The following QRFPR variants were observed in gnomAD, a reference collection of about 807,000 sequenced individuals.
The protein encoded by QRFPR is pyroglutamylated RFamide peptide receptor, also known as pyroglutamylated RF-amide peptide receptor.
QRFPR carries 37 observed loss-of-function variants against 31.3 expected under a neutral mutation model. The observed-to-expected ratio is 1.18, with a 90% CI of 0.91 to 1.56. QRFPR has a LOEUF of 1.56. QRFPR is among the 40% of genes most tolerant of loss of function. The probability of loss-of-function intolerance (pLI) is 0.00; values close to 1 mark genes in which losing one functional copy is unlikely to be tolerated. For missense variants in QRFPR, 542 were observed against 532.5 expected (o/e 1.02, Z -0.18); for synonymous variants, 197 against 192.0 (o/e 1.03, Z -0.22).
In QRFPR at chr4:121,329,165, C is replaced by T; in HGVS notation, c.*149G>A. Reference sequence around the variant, plus strand: ...GGTTGTAAACATCACTGCACTTGGACTAGCCTCGTGTCATTTTTTAATGGA... The same window carrying T: ...GGTTGTAAACATCACTGCACTTGGATTAGCCTCGTGTCATTTTTTAATGGA... On this transcript the variant is annotated 3_prime_UTR_variant, in exon 6 of 6. Transcript: ENST00000394427. 1.6e-6 allele frequency: 1 copy of T among 624,880 alleles called. No homozygotes were observed. The highest frequency in any genetic ancestry group is 2.7e-6 in the Non-Finnish European group (1 of 375,342). The allele number at this position is 624,880 out of a possible 1,614,324, so 38.7% of individuals were successfully genotyped here. A position where few individuals can be genotyped will look rare whatever the true frequency, so the allele number is the denominator to read the frequency against.
chr4:121,337,530 C>A (rs1303313157), intron 2 of QRFPR, among the ~76,000 whole-genome samples: 1 of 152,070 alleles, frequency 6.6e-6, no homozygotes, highest in Non-Finnish European at 1.5e-5. Flanking sequence ...AAATTCCTGG[C>A]CCTCTGTAGG....
intron 1 of QRFPR, among the ~76,000 whole-genome samples, chr4:121,372,855 G>T (rs574403857): frequency 1.3e-5 from 2 of 152,258 alleles, no homozygotes; most frequent in East Asian, 3.9e-4. Flanking sequence ...TTGAGACAGG[G>T]AGTTTTAAAG....
At chr4:121,370,998 A>G (rs1012313283) in intron 1 of QRFPR, among the ~76,000 whole-genome samples, 6 of 152,208 alleles carry the variant, frequency 3.9e-5, no homozygotes, top group African/African-American at 1.4e-4. Context: ...ATGCCAGGCC[A>G]TGTAACTTAT....
At chr4:121,361,724 A>G (rs1481963711) in intron 1 of QRFPR, among the ~76,000 whole-genome samples, 1 of 150,360 alleles carries the variant, frequency 6.7e-6, no homozygotes, top group Admixed American at 6.6e-5. Flanking sequence ...AATAGATTGA[A>G]GAATTCCTGT....
At chr4:121,378,289 AC>A (rs1560748420) in intron 1 of QRFPR, among the ~76,000 whole-genome samples, 2 of 152,150 alleles carry the variant, frequency 1.3e-5, no homozygotes, top group Non-Finnish European at 2.9e-5. Context: ...AGAAAAGAAA[AC>A]TTGAGAAAAA....
chr4:121,361,584 G>C (rs1431823468), intron 1 of QRFPR, among the ~76,000 whole-genome samples: 1 of 149,992 alleles, frequency 6.7e-6, no homozygotes, highest in Non-Finnish European at 1.5e-5. Context: ...ACCACTTAGG[G>C]AATTTTGTTA....
rs1560743465 is a variant in QRFPR at position 121,365,519 on chromosome 4, A to ATATATTATATATAT, written c.340+14788_340+14789insATATATATAATATA. ...ATATATAATATATATAATATATATT[A>ATATATTATATATAT]TATATATTATATATAATATATATTA... On this transcript the variant is annotated intron_variant, in intron 1 of 5. Coordinates refer to ENST00000394427, the MANE Select transcript of QRFPR (RefSeq NM_198179.3). Among the ~76,000 whole-genome samples, 5 of 2,848 alleles carry ATATATTATATATAT rather than the reference A, an allele frequency of 1.8e-3. 1 individual carries two copies. Among genetic ancestry groups the ATATATTATATATAT allele is most frequent in the African/African-American group, 6.6e-3 (2 of 304 alleles). The allele number at this position is 2,848 out of a possible 152,430, so 1.9% of individuals were successfully genotyped here.
At chr4:121,332,136 C>T (rs1725339003) in intron 4 of QRFPR, among the ~76,000 whole-genome samples, 1 of 152,046 alleles carries the variant, frequency 6.6e-6, no homozygotes, top group Non-Finnish European at 1.5e-5. Context: ...TGATAAAATC[C>T]CACCAAATCA....
Position 121,330,486 on chromosome 4 carries a change from C to A in QRFPR, c.835G>T (p.Val279Leu). Residue 279 changes from valine to leucine, a missense_variant, in exon 5 of 6, where the codon GTG (valine) becomes TTG (leucine). Val to Leu is a conservative substitution (Grantham distance 32). Transcript: ENST00000394427. ...KRAVIMMVTV[V>L]ALFAVCWAPF... ...GCCCAGCACACAGCAAAGAGAGCCA[C>A]CACTGTCACCATCATAATGACAGCT... 6.2e-7 allele frequency: 1 copy of A among 1,613,962 alleles called. No homozygotes were observed. Among genetic ancestry groups the A allele is most frequent in the Non-Finnish European group, 8.5e-7 (1 of 1,179,868 alleles).
At chr4:121,365,862 C>T (rs2110482045) in intron 1 of QRFPR, among the ~76,000 whole-genome samples, 1 of 144,324 alleles carries the variant, frequency 6.9e-6, no homozygotes, top group East Asian at 2.1e-4. Flanking sequence ...AGAATAGCTT[C>T]ATGGTTACTT....
At chr4:121,344,182 C>A (rs1255998750) in intron 1 of QRFPR, among the ~76,000 whole-genome samples, 5 of 152,102 alleles carry the variant, frequency 3.3e-5, no homozygotes, top group African/African-American at 1.2e-4. Context: ...ACCTTATTTC[C>A]CAGAGAAAGA....
intron 1 of QRFPR, among the ~76,000 whole-genome samples, chr4:121,357,438 C>T (rs756809793): frequency 1.3e-5 from 2 of 152,024 alleles, no homozygotes; most frequent in South Asian, 2.1e-4. Flanking sequence ...AATTTAAAGC[C>T]GTAACCAGGA....
intron 1 of QRFPR, among the ~76,000 whole-genome samples, chr4:121,366,756 C>T (rs571263799): frequency 2.0e-5 from 3 of 150,158 alleles, no homozygotes; most frequent in African/African-American, 7.4e-5. Flanking sequence ...TGCAGAATAG[C>T]TAATTAATAC....
At chr4:121,341,961 A>G (rs114997312) in intron 1 of QRFPR, among the ~76,000 whole-genome samples, 67 of 152,236 alleles carry the variant, frequency 4.4e-4, no homozygotes, top group African/African-American at 1.5e-3. Context: ...GGTTAACTCT[A>G]TGTGTCCAGT....
At chr4:121,346,700 G>T (rs1196161765) in intron 1 of QRFPR, among the ~76,000 whole-genome samples, 2 of 152,172 alleles carry the variant, frequency 1.3e-5, no homozygotes, top group Non-Finnish European at 2.9e-5. Context: ...ATCAAATTCA[G>T]AAATCTCTGT....
rs575757976 is a variant in QRFPR, at chr4:121,364,439, A to G, written c.340+15869T>C. 4.7e-5 allele frequency among the ~76,000 whole-genome samples: 7 copies of G among 149,746 alleles called. 1 individual carries two copies. Among genetic ancestry groups the G allele is most frequent in the Non-Finnish European group, 8.9e-5 (6 of 67,524 alleles). On this transcript the variant is annotated intron_variant, in intron 1 of 5. Coordinates refer to ENST00000394427, the MANE Select transcript of QRFPR (RefSeq NM_198179.3). ...ATCACAAGGTCAGGAGATCGAGACT[A>G]TCTTAGCTAACATGGTGAACCCCTG...
intron 1 of QRFPR, among the ~76,000 whole-genome samples, chr4:121,373,567 G>A (rs1420627921): frequency 6.6e-6 from 1 of 151,950 alleles, no homozygotes; most frequent in Non-Finnish European, 1.5e-5. Context: ...CAATACTGTT[G>A]ATTTTACACC....
chr4:121,369,422 A>T, intron 1 of QRFPR: 2 of 785,518 alleles, frequency 2.5e-6, no homozygotes. Flanking sequence ...CCCTGGAAAG[A>T]AAGGGCTCTA....
At chr4:121,370,154 A>T in intron 1 of QRFPR, 1 of 767,490 alleles carries the variant, frequency 1.3e-6, no homozygotes, top group Non-Finnish European at 2.4e-6. Flanking sequence ...TGAGGTGCTG[A>T]TACTTGTGCT....
Sources: gnomAD v4.1 joint callset for allele counts (sites outside exome capture counted in the v4.1 genomes callset) on GRCh38, gnomAD v4.1.1 for gene constraint, MANE v1.5 for transcripts, NCBI Gene and HGNC (gene_info 2026-07-23, HGNC 2026-07-21) for gene names.